The following CRPPA variants were observed in gnomAD, a reference collection of about 807,000 sequenced individuals.
CRPPA encodes CDP-L-ribitol pyrophosphorylase A.
CRPPA carries 43 observed loss-of-function variants against 52.0 expected under a neutral mutation model. The observed-to-expected ratio is 0.83, with a 90% CI of 0.65 to 1.07. CRPPA has a LOEUF of 1.07. Ranked by LOEUF, CRPPA falls within the 50% of genes least tolerant of loss-of-function variation. The pLI is 0.00. For missense variants in CRPPA, 629 were observed against 551.7 expected, an observed-to-expected ratio of 1.14 and a Z score of -1.40; for synonymous variants, 250 against 203.5, an observed-to-expected ratio of 1.23 and a Z score of -1.94.
chr7:16,210,163 GATAGATAC>G lies in CRPPA; in HGVS notation c.1251+5895_1251+5902del. Among the ~76,000 whole-genome samples, 7 of 152,234 alleles carry G rather than the reference GATAGATAC, an allele frequency of 4.6e-5. No individual in the cohort carries two copies. In the East Asian group the frequency reaches 1.2e-3, roughly 25 times the overall value. On this transcript the variant is annotated intron_variant, in intron 9 of 9. Transcript: ENST00000407010. ...ATATACATATATACATGTGTGTATG[GATAGATAC>G]ATGTATATAATTTGTATGCTTTTTT...
intron 3 of CRPPA, among the ~76,000 whole-genome samples, chr7:16,369,818 G>A (rs971454173): frequency 1.3e-4 from 20 of 152,116 alleles, no homozygotes; most frequent in African/African-American, 4.8e-4. Context: ...AAATACAAAA[G>A]AATCCACAGA....
At chr7:16,172,172 A>T (rs1292122470) in intron 9 of CRPPA, among the ~76,000 whole-genome samples, 1 of 152,224 alleles carries the variant, frequency 6.6e-6, no homozygotes, top group East Asian at 1.9e-4. Flanking sequence ...CACCATAGAT[A>T]AGGCAGTAGA....
intron 2 of CRPPA, among the ~76,000 whole-genome samples, chr7:16,398,289 C>G (rs915501232): frequency 6.6e-6 from 1 of 151,886 alleles, no homozygotes; most frequent in Non-Finnish European, 1.5e-5. Context: ...ACAAGACAAA[C>G]ACGTGACTGA....
At chr7:16,325,409 T>C (rs1034177653) in intron 3 of CRPPA, among the ~76,000 whole-genome samples, 1 of 152,164 alleles carries the variant, frequency 6.6e-6, no homozygotes, top group Non-Finnish European at 1.5e-5. Flanking sequence ...CAGTTGCCAA[T>C]TATATTTTTC....
At chr7:16,151,073 A>C (rs1783067956) in intron 9 of CRPPA, among the ~76,000 whole-genome samples, 1 of 152,208 alleles carries the variant, frequency 6.6e-6, no homozygotes, top group Admixed American at 6.5e-5. Context: ...TCACTAATTA[A>C]AAAATCAAAT....
chr7:16,180,557 T>C (rs2128387519), intron 9 of CRPPA, among the ~76,000 whole-genome samples: 1 of 152,148 alleles, frequency 6.6e-6, no homozygotes. Flanking sequence ...TACATGCGCA[T>C]GTGGCAAGCA....
chr7:16,187,628 T>C (rs1431987926), intron 9 of CRPPA, among the ~76,000 whole-genome samples: 2 of 152,198 alleles, frequency 1.3e-5, no homozygotes, highest in East Asian at 3.9e-4. Context: ...ATAAATGTCC[T>C]GAAGGAAATA....
intron 3 of CRPPA, among the ~76,000 whole-genome samples, chr7:16,319,184 C>G (rs1327621763): frequency 6.6e-6 from 1 of 152,098 alleles, no homozygotes; most frequent in Non-Finnish European, 1.5e-5. Flanking sequence ...TATAGCTTAT[C>G]TTTTGTTTTA....
chr7:16,201,139 T>A (rs558596812), intron 9 of CRPPA, among the ~76,000 whole-genome samples: 69 of 152,308 alleles, frequency 4.5e-4, no homozygotes, highest in African/African-American at 1.6e-3. Flanking sequence ...ACCATTTAGT[T>A]TGATTCAATT....
At chr7:16,302,751 G>T (rs1435606771) in intron 4 of CRPPA, among the ~76,000 whole-genome samples, 1 of 152,150 alleles carries the variant, frequency 6.6e-6, no homozygotes, top group Non-Finnish European at 1.5e-5. Context: ...CTCTTCTTCA[G>T]GTGGCCCCTG....
At chr7:16,336,610 T>C (rs1485243828) in intron 3 of CRPPA, among the ~76,000 whole-genome samples, 1 of 143,378 alleles carries the variant, frequency 7.0e-6, no homozygotes, top group Non-Finnish European at 1.5e-5. Context: ...GAAAACAAAG[T>C]TACAAACTGG....
chr7:16,317,643 T>C (rs997354741), intron 3 of CRPPA, among the ~76,000 whole-genome samples: 1 of 152,206 alleles, frequency 6.6e-6, no homozygotes, highest in Admixed American at 6.5e-5. Context: ...TCACATTCTA[T>C]CTATTCATCA....
chr7:16,365,044 G>A (rs1786556598), intron 3 of CRPPA, among the ~76,000 whole-genome samples: 1 of 152,202 alleles, frequency 6.6e-6, no homozygotes, highest in African/African-American at 2.4e-5. Context: ...GGTCTCATCT[G>A]TCTCCTAGGC....
chr7:16,171,613 A>G (rs1781188973), intron 9 of CRPPA, among the ~76,000 whole-genome samples: 1 of 151,504 alleles, frequency 6.6e-6, no homozygotes, highest in Non-Finnish European at 1.5e-5. Flanking sequence ...AAAACAAAAA[A>G]CAAACAAACC....
intron 5 of CRPPA, among the ~76,000 whole-genome samples, chr7:16,278,632 C>T (rs1784259036): frequency 6.6e-6 from 1 of 152,182 alleles, no homozygotes; most frequent in Admixed American, 6.5e-5. Flanking sequence ...ATCTCCTGTG[C>T]ACAGATTCAA....
At chr7:16,276,747 A>T (rs1455519863) in intron 6 of CRPPA, 2 of 152,210 alleles carry the variant, frequency 1.3e-5, no homozygotes, top group Non-Finnish European at 2.9e-5. Flanking sequence ...GACTAAGAAT[A>T]AACAATTGTT....
At chr7:16,279,508 CA>C (rs990725633) in intron 5 of CRPPA, among the ~76,000 whole-genome samples, 1 of 151,824 alleles carries the variant, frequency 6.6e-6, no homozygotes, top group African/African-American at 2.4e-5. Flanking sequence ...GATTCAAATC[CA>C]AAAAAATAAA....
chr7:16,272,067 C>G (rs191789173), intron 6 of CRPPA, among the ~76,000 whole-genome samples: 7 of 152,282 alleles, frequency 4.6e-5, no homozygotes, highest in Admixed American at 4.6e-4. Flanking sequence ...CCCTTTAAAA[C>G]TGTCTACCAC....
chr7:16,375,314 C>G (rs919625194), intron 3 of CRPPA, among the ~76,000 whole-genome samples: 1 of 152,164 alleles, frequency 6.6e-6, no homozygotes, highest in East Asian at 1.9e-4. Context: ...GTTGCTCAAA[C>G]TTATCATCAT....
Sources: gnomAD v4.1 joint callset for allele counts (sites outside exome capture counted in the v4.1 genomes callset) on GRCh38, gnomAD v4.1.1 for gene constraint, MANE v1.5 for transcripts, NCBI Gene and HGNC (gene_info 2026-07-23, HGNC 2026-07-21) for gene names.